KCNAB1: variants seen among roughly 807,000 people sequenced by gnomAD.
The protein encoded by KCNAB1 is voltage-gated potassium channel subunit beta-1.
Under a neutral mutation model 64.6 loss-of-function variants are expected in KCNAB1, and 35 were observed. The observed-to-expected ratio is 0.54, with a 90% confidence interval of 0.41 to 0.72. KCNAB1 has a LOEUF of 0.72. Ranked by LOEUF, KCNAB1 falls within the 30% of genes least tolerant of loss-of-function variation. KCNAB1 has a pLI of 0.00. For synonymous variants in KCNAB1, 177 were observed against 183.8 expected, an observed-to-expected ratio of 0.96 and a Z score of 0.30; for missense variants, 401 against 512.9, an observed-to-expected ratio of 0.78 and a Z score of 2.11.
At chr3:156,119,594 C>T (rs1194573936), upstream of KCNAB1, among the ~76,000 whole-genome samples, 3 of 152,128 alleles carry the variant, frequency 2.0e-5, no homozygotes, top group African/African-American at 7.2e-5. Context: ...GCAGCAGGCA[C>T]TGAGATAGTT....
intron 8 of KCNAB1, among the ~76,000 whole-genome samples, chr3:156,501,485 G>A (rs375416261): frequency 4.0e-5 from 5 of 125,450 alleles, no homozygotes; most frequent in South Asian, 2.7e-4. Context: ...GCTGGAAATC[G>A]CAATGATGTG....
intron 1 of KCNAB1, among the ~76,000 whole-genome samples, chr3:156,345,258 T>A (rs900810366): frequency 6.6e-6 from 1 of 152,248 alleles, no homozygotes; most frequent in East Asian, 1.9e-4. Flanking sequence ...GTTACTTTTT[T>A]AAATTATGGT....
chr3:156,514,371 C>G lies in KCNAB1; in HGVS notation c.666C>G (p.Val222=). ...PDSNTPMEEI[V]RAMTHVINQG... ...CTGTTTGACCTTCCACAGAAATTGTCCGAGCCATGACACATGTGATAAACC... is the reference window on the plus strand; with the variant it reads ...CTGTTTGACCTTCCACAGAAATTGTGCGAGCCATGACACATGTGATAAACC... Residue 222 remains valine (V), a synonymous_variant, in exon 9 of 14, where the codon GTC becomes GTG. Transcript: ENST00000490337. 1 of 1,613,644 alleles carries G rather than the reference C, an allele frequency of 6.2e-7. No homozygotes were observed. Among genetic ancestry groups the G allele is most frequent in the Non-Finnish European group, 8.5e-7 (1 of 1,179,586 alleles).
intron 1 of KCNAB1, among the ~76,000 whole-genome samples, chr3:156,232,823 A>G (rs1166297848): frequency 6.6e-6 from 1 of 152,254 alleles, no homozygotes; most frequent in Non-Finnish European, 1.5e-5. Flanking sequence ...CTTAGTCACC[A>G]TTCTAAAAAT....
At position 156,291,044 on chromosome 3, in the gene KCNAB1, A is replaced by G. The variant is rs1720373241; in HGVS notation, c.276-130572A>G. On this transcript the variant is annotated intron_variant, in intron 1 of 13. Coordinates refer to ENST00000490337, the MANE Select transcript of KCNAB1 (RefSeq NM_172160.3). ...CCCTCTCTGCCTTCCCCCAGTTCCA[A>G]CTGTTGTGCTGCAGCAGATTTGGTC... is the stretch of plus-strand genomic sequence containing the variant. The G allele has an allele frequency of 1.4e-5, 14 of 985,348 alleles. No individual in the cohort carries two copies. In the South Asian group the frequency reaches 5.6e-4, roughly 40 times the overall value. 61.0% of individuals were successfully genotyped at this position (985,348 alleles called of 1,614,324 possible).
chr3:156,225,564 T>C (rs1716101429), intron 1 of KCNAB1, among the ~76,000 whole-genome samples: 1 of 152,174 alleles, frequency 6.6e-6, no homozygotes, highest in Non-Finnish European at 1.5e-5. Context: ...CTGGTAGTCC[T>C]AGCCAGAGCA....
chr3:156,211,526 A>G (rs1247362661), intron 1 of KCNAB1, among the ~76,000 whole-genome samples: 3 of 152,342 alleles, frequency 2.0e-5, no homozygotes, highest in East Asian at 1.9e-4. Flanking sequence ...TCTCAGCTTA[A>G]TAACCCCAGG....
chr3:156,183,859 T>C (rs11922447), intron 1 of KCNAB1, among the ~76,000 whole-genome samples: 83,647 of 152,058 alleles, frequency 0.55, 23,967 homozygotes, highest in East Asian at 0.9. Flanking sequence ...ATAAATGCTC[T>C]GTAAGTGCTA....
At chr3:156,363,446 G>A (rs1283127629) in intron 1 of KCNAB1, among the ~76,000 whole-genome samples, 1 of 151,634 alleles carries the variant, frequency 6.6e-6, no homozygotes, top group East Asian at 1.9e-4. Flanking sequence ...AGGAATAAGT[G>A]TAAGACATCT....
intron 1 of KCNAB1, among the ~76,000 whole-genome samples, chr3:156,403,904 A>C (rs1489025058): frequency 6.6e-6 from 1 of 151,924 alleles, no homozygotes; most frequent in Non-Finnish European, 1.5e-5. Flanking sequence ...AAAAAAAAAA[A>C]ACAAAGGGAG....
intron 12 of KCNAB1, among the ~76,000 whole-genome samples, 189 bp from the exon 13 acceptor site, chr3:156,531,220 C>G (rs1718680378): frequency 6.6e-6 from 1 of 152,150 alleles, no homozygotes; most frequent in Non-Finnish European, 1.5e-5. Context: ...TGGGCTTTGA[C>G]AGATTCTGTC....
intron 12 of KCNAB1, chr3:156,524,289 T>C: frequency 5.6e-6 from 1 of 179,540 alleles, no homozygotes; most frequent in Non-Finnish European, 1.2e-5. Flanking sequence ...TAAACCAGGG[T>C]TGGTGAGAAG....
At chr3:156,143,740 G>A (rs890058003) in intron 1 of KCNAB1, among the ~76,000 whole-genome samples, 5 of 151,398 alleles carry the variant, frequency 3.3e-5, no homozygotes, top group Admixed American at 1.3e-4. Flanking sequence ...GAAGAGTGGG[G>A]ACTCCATTCT....
At chr3:156,463,572 A>G (rs1255819129) in intron 5 of KCNAB1, 130 bp from the exon 6 acceptor site, 3 of 731,798 alleles carry the variant, frequency 4.1e-6, no homozygotes, top group East Asian at 3.0e-5. Flanking sequence ...TAACAAATTT[A>G]CCTCTTTACC....
At position 156,465,126 on chromosome 3, in the gene KCNAB1, G is replaced by A. The variant is rs138685211; in HGVS notation, c.528-517G>A. ...AAGGCAAAAGTCCTTATGATTAAGG[G>A]TCTGTCTTCTGGGGGTACGAATTTA... is the stretch of plus-strand genomic sequence containing the variant. On this transcript the variant is annotated intron_variant, in intron 6 of 13. Coordinates refer to ENST00000490337, the MANE Select transcript of KCNAB1 (RefSeq NM_172160.3). 1.7e-3 allele frequency among the ~76,000 whole-genome samples: 255 copies of A among 152,250 alleles called. 1 individual carries two copies. Among genetic ancestry groups the A allele is most frequent in the African/African-American group, 5.8e-3 (241 of 41,554 alleles).
At chr3:156,529,304 G>A (rs1718532982) in intron 12 of KCNAB1, among the ~76,000 whole-genome samples, 1 of 152,178 alleles carries the variant, frequency 6.6e-6, no homozygotes, top group African/African-American at 2.4e-5. Context: ...ACAAAAAGTA[G>A]ATCAGTGGCT....
intron 1 of KCNAB1, among the ~76,000 whole-genome samples, chr3:156,194,048 A>G (rs1437351544): frequency 2.6e-5 from 4 of 152,218 alleles, no homozygotes; most frequent in Non-Finnish European, 5.9e-5. Flanking sequence ...ATCCTTTTGT[A>G]CAATTGTTGT....
chr3:156,494,589 T>C (rs564044745), intron 8 of KCNAB1, among the ~76,000 whole-genome samples: 6 of 152,274 alleles, frequency 3.9e-5, no homozygotes, highest in Middle Eastern at 3.4e-3. Context: ...ATTCCTATGT[T>C]GAAAGAGATT....
chr3:156,312,829 T>C (rs77402706), intron 1 of KCNAB1, among the ~76,000 whole-genome samples: 3,232 of 151,830 alleles, frequency 0.021, 111 homozygotes, highest in African/African-American at 0.074. Context: ...GGTTGACTGC[T>C]CATTTGGCCC....
Sources: gnomAD v4.1 joint callset for allele counts (sites outside exome capture counted in the v4.1 genomes callset) on GRCh38, gnomAD v4.1.1 for gene constraint, MANE v1.5 for transcripts, NCBI Gene and HGNC (gene_info 2026-07-23, HGNC 2026-07-21) for gene names.